The following POC1B variants were observed in gnomAD, a reference collection of about 807,000 sequenced individuals.
POC1B encodes POC1 centriolar protein B.
Under a neutral mutation model 60.6 loss-of-function variants are expected in POC1B, and 44 were observed. The ratio of observed to expected loss-of-function variants is 0.73; its 90% CI spans 0.57 to 0.93. The LOEUF is 0.93. Ranked by LOEUF, POC1B falls within the 40% of genes least tolerant of loss-of-function variation. POC1B has a pLI of 0.00. For missense variants in POC1B, 555 were observed against 572.3 expected (o/e 0.97, Z 0.31); for synonymous variants, 180 against 198.9 (o/e 0.90, Z 0.80).
intron 3 of POC1B, among the ~76,000 whole-genome samples, chr12:89,496,103 A>G (rs1403419477): frequency 2.0e-5 from 3 of 152,056 alleles, no homozygotes; most frequent in Non-Finnish European, 2.9e-5. Context: ...TGTAGAATCA[A>G]TGGAAGCCCT....
At chr12:89,412,404 C>T in the POC1B span, among the ~76,000 whole-genome samples, 1 of 147,204 alleles carries the variant, frequency 6.8e-6, no homozygotes, top group African/African-American at 2.5e-5. Context: ...GTAGGCCAGG[C>T]GCAGTGGCTC....
At chr12:89,511,827 G>A (rs1870203657) in intron 2 of POC1B, among the ~76,000 whole-genome samples, 1 of 152,162 alleles carries the variant, frequency 6.6e-6, no homozygotes, top group Non-Finnish European at 1.5e-5. Flanking sequence ...GCCAAGGCAG[G>A]TGAATCACTC....
rs747745909 is a variant in POC1B at position 89,492,107 on chromosome 12, T to A, written c.281A>T (p.Lys94Ile). 6.5e-7 allele frequency: 1 copy of A among 1,550,160 alleles called. No homozygotes were observed. The highest frequency in any genetic ancestry group is 2.3e-5 in the East Asian group (1 of 43,902). ...TGTATGAGCTTTAAATTCTGAGAAT[T>A]TTCCTCTCCTGGAAATAAACAGTTT... ...VRLWIPDKRG[K>I]FSEFKAHTAP... Residue 94 changes from lysine (K) to isoleucine (I), a missense_variant, in exon 4 of 12, where the codon AAA becomes ATA. Physicochemically the swap from Lys to Ile is moderately radical, Grantham distance 102. Transcript: ENST00000313546.
At chr12:89,433,634 G>A (rs1335148960) in intron 10 of POC1B, among the ~76,000 whole-genome samples, 1 of 152,208 alleles carries the variant, frequency 6.6e-6, no homozygotes, top group African/African-American at 2.4e-5. Context: ...GAGGCTTGCT[G>A]GATGGACGCC....
intron 2 of POC1B, among the ~76,000 whole-genome samples, chr12:89,515,533 G>A (rs1390043876): frequency 6.6e-6 from 1 of 152,104 alleles, no homozygotes; most frequent in Non-Finnish European, 1.5e-5. Context: ...GTGATCAGGG[G>A]CATTTTAAGT....
the POC1B span, among the ~76,000 whole-genome samples, chr12:89,403,731 C>T: frequency 4.7e-3 from 717 of 152,258 alleles, 3 homozygotes; most frequent in African/African-American, 0.016. Flanking sequence ...TTTCCAGGAA[C>T]GAGCTACACT....
chr12:89,508,624 G>T (rs1870020799), intron 2 of POC1B, among the ~76,000 whole-genome samples: 3 of 152,138 alleles, frequency 2.0e-5, no homozygotes, highest in Non-Finnish European at 2.9e-5. Flanking sequence ...TTAGTAACTT[G>T]TAGCATAATA....
intron 7 of POC1B, among the ~76,000 whole-genome samples, chr12:89,468,076 CATG>C (rs1247154943): frequency 2.0e-5 from 3 of 152,172 alleles, no homozygotes; most frequent in Non-Finnish European, 4.4e-5. Context: ...AGGCTATTTA[CATG>C]AAGTCCATTT....
intron 10 of POC1B, among the ~76,000 whole-genome samples, chr12:89,434,053 C>G (rs1565895129): frequency 6.6e-6 from 1 of 152,214 alleles, no homozygotes; most frequent in Non-Finnish European, 1.5e-5. Context: ...CTTGTAGGAA[C>G]ATACTCATCT....
intron 1 of POC1B, 99 bp downstream of exon 1, chr12:89,525,782 T>G (rs752030003): frequency 6.6e-4 from 910 of 1,377,874 alleles, no homozygotes; most frequent in Non-Finnish European, 7.7e-4. Context: ...GACACCTGCC[T>G]CCATCTCCCT....
intron 10 of POC1B, among the ~76,000 whole-genome samples, chr12:89,437,598 C>T (rs1011886787): frequency 1.3e-5 from 2 of 151,410 alleles, no homozygotes; most frequent in African/African-American, 4.9e-5. Flanking sequence ...CATATTTGAC[C>T]CCCCCACCCC....
chr12:89,415,382 G>T (rs948798672), downstream of POC1B, among the ~76,000 whole-genome samples: 1 of 152,084 alleles, frequency 6.6e-6, no homozygotes, highest in African/African-American at 2.4e-5. Flanking sequence ...GGTGGCTCAC[G>T]CCTGTAATCC....
At chr12:89,457,117 G>A (rs1882292889) in intron 10 of POC1B, among the ~76,000 whole-genome samples, 1 of 152,106 alleles carries the variant, frequency 6.6e-6, no homozygotes, top group African/African-American at 2.4e-5. Flanking sequence ...TTGGCTTCCA[G>A]TATTTCTCCA....
intron 10 of POC1B, among the ~76,000 whole-genome samples, chr12:89,444,725 A>T (rs550989641): frequency 4.8e-4 from 73 of 152,266 alleles, no homozygotes; most frequent in Middle Eastern, 3.4e-3. Flanking sequence ...TCACCACTCC[A>T]ATTGAACATA....
chr12:89,433,419 C>T (rs551883456), intron 10 of POC1B, among the ~76,000 whole-genome samples: 11 of 152,110 alleles, frequency 7.2e-5, no homozygotes, highest in South Asian at 6.2e-4. Flanking sequence ...TATGGTGAGA[C>T]GAGCCAAGAT....
chr12:89,425,653 T>G (rs1880732564), intron 10 of POC1B: 1 of 244,554 alleles, frequency 4.1e-6, no homozygotes, highest in South Asian at 1.0e-4. Flanking sequence ...GGATCTACCA[T>G]TAAAAAGATT....
intron 10 of POC1B, chr12:89,427,998 T>A (rs1408756546): frequency 1.3e-5 from 2 of 152,232 alleles, no homozygotes; most frequent in African/African-American, 4.8e-5. Context: ...GCTACTGAGC[T>A]GACAGCAAGG....
chr12:89,432,742 C>G (rs1428093369), intron 10 of POC1B, among the ~76,000 whole-genome samples: 1 of 152,092 alleles, frequency 6.6e-6, no homozygotes, highest in East Asian at 1.9e-4. Context: ...GTTTGAGAGG[C>G]CTATCAGACT....
intron 2 of POC1B, among the ~76,000 whole-genome samples, chr12:89,497,613 G>T (rs935399149): frequency 7.2e-5 from 11 of 152,186 alleles, no homozygotes; most frequent in African/African-American, 2.7e-4. Flanking sequence ...TTTACTAGAA[G>T]GCCGCAGCAC....
Sources: allele counts gnomAD v4.1 joint callset (sites outside exome capture counted in the v4.1 genomes callset), GRCh38; gene constraint gnomAD v4.1.1; transcripts MANE v1.5; gene names NCBI Gene and HGNC (gene_info 2026-07-23, HGNC 2026-07-21).